Variants in WDFY3 observed in about 807,000 individuals in gnomAD.
WDFY3 encodes WD repeat and FYVE domain-containing protein 3.
In WDFY3, 66 loss-of-function variants were observed where a neutral mutation model predicts 409.6. That is an observed-to-expected ratio of 0.16 (90% CI 0.13 to 0.20). The LOEUF is 0.20. WDFY3 is among the 10% of genes least tolerant of loss of function. The pLI, the probability that WDFY3 is intolerant of heterozygous loss-of-function variation, is 1.00. For missense variants in WDFY3, 3,031 were observed against 4,298.1 expected (o/e 0.71, Z 8.24); for synonymous variants, 1,521 against 1,537.1 (o/e 0.99, Z 0.25).
chr4:84,678,591 C>T (rs369411682), intron 65 of WDFY3, among the ~76,000 whole-genome samples: 2 of 152,208 alleles, frequency 1.3e-5, no homozygotes, highest in East Asian at 3.8e-4. Flanking sequence ...GGCAAAGTTA[C>T]CTGCAAATGC....
intron 4 of WDFY3, among the ~76,000 whole-genome samples, chr4:84,850,563 T>C (rs1007066172): frequency 2.6e-5 from 4 of 152,154 alleles, no homozygotes; most frequent in Non-Finnish European, 5.9e-5. Context: ...GTGATCCGCC[T>C]GCCTCAGCCT....
At chr4:84,907,439 A>G (rs996147086) in intron 2 of WDFY3, among the ~76,000 whole-genome samples, 1 of 152,168 alleles carries the variant, frequency 6.6e-6, no homozygotes, top group Non-Finnish European at 1.5e-5. Context: ...AGTAGAAACC[A>G]AAGGTTTCTG....
intron 40 of WDFY3, among the ~76,000 whole-genome samples, chr4:84,738,635 A>C (rs1578310708): frequency 6.6e-6 from 1 of 152,116 alleles, no homozygotes; most frequent in Admixed American, 6.5e-5. Flanking sequence ...AGTATAAAGA[A>C]GAATAAAAAA....
intron 1 of WDFY3, among the ~76,000 whole-genome samples, chr4:84,946,884 G>C (rs1772912304): frequency 6.6e-6 from 1 of 151,424 alleles, no homozygotes; most frequent in South Asian, 2.1e-4. Flanking sequence ...TCCGCTCACT[G>C]CAAGCTCTGC....
At chr4:84,718,274 T>A (rs188121454) in intron 48 of WDFY3, 148 bp downstream of exon 48, 3 of 701,740 alleles carry the variant, frequency 4.3e-6, no homozygotes, top group Non-Finnish European at 6.5e-6. Context: ...CTGAATATCA[T>A]CTTTGTGAAT....
intron 36 of WDFY3, among the ~76,000 whole-genome samples, chr4:84,746,192 C>T (rs182310187): frequency 3.3e-5 from 5 of 150,804 alleles, no homozygotes; most frequent in Admixed American, 1.3e-4. Flanking sequence ...TGGTGTGTGC[C>T]GGTAGTCATA....
rs144017592 is a variant in WDFY3, at chr4:84,795,093, C to T, written c.3168-114G>A. The T allele has an allele frequency of 1.8e-3, 1,243 of 690,264 alleles. 15 individuals carry two copies. The African/African-American group carries it at 0.021, about 12-fold the overall frequency. The allele number at this position is 690,264 out of a possible 1,614,324, so 42.8% of individuals were successfully genotyped here. ...ATTTAATGGTGACTAGAGAAAAGAT[C>T]ATGGAATAAATCTGGATGCCTCGCA... On this transcript the variant is annotated intron_variant, in intron 19 of 67. Coordinates refer to ENST00000295888, the MANE Select transcript of WDFY3 (RefSeq NM_014991.6).
chr4:84,699,958 T>A (rs1730814303), intron 56 of WDFY3, among the ~76,000 whole-genome samples: 1 of 151,802 alleles, frequency 6.6e-6, no homozygotes, highest in Admixed American at 6.6e-5. Flanking sequence ...GGATACTAGA[T>A]CCTTATTAGA....
intron 44 of WDFY3, among the ~76,000 whole-genome samples, chr4:84,730,408 C>T (rs565777281): frequency 6.6e-6 from 1 of 152,232 alleles, no homozygotes; most frequent in Admixed American, 6.5e-5. Flanking sequence ...GAGATAAAAC[C>T]TAATATGGAA....
At position 84,819,093 on chromosome 4, in the gene WDFY3, T is replaced by C. The variant is rs564373764; in HGVS notation, c.1693+992A>G. Among the ~76,000 whole-genome samples, 184 of 152,266 alleles carry C rather than the reference T, an allele frequency of 1.2e-3. 3 individuals are homozygous for C. Among genetic ancestry groups the C allele is most frequent in the African/African-American group, 4.2e-3 (173 of 41,580 alleles). ...CATCATACTCATTGTTTCAATTACC[T>C]GTTAAATTCATTCAAGTCTATCTTA... On this transcript the variant is annotated intron_variant, in intron 12 of 67. Transcript: ENST00000295888.
chr4:84,762,055 T>C (rs367947810), intron 32 of WDFY3, among the ~76,000 whole-genome samples: 12 of 152,246 alleles, frequency 7.9e-5, no homozygotes, highest in Admixed American at 5.2e-4. Context: ...GTCAGTGTGG[T>C]GATTCCTCAG....
At chr4:84,864,613 A>G (rs1156320518) in intron 3 of WDFY3, among the ~76,000 whole-genome samples, 6 of 152,108 alleles carry the variant, frequency 3.9e-5, no homozygotes, top group Admixed American at 3.3e-4. Context: ...CAGTCTTTCT[A>G]TTGCTACTGC....
chr4:84,923,541 T>A (rs1190846737), intron 2 of WDFY3, among the ~76,000 whole-genome samples: 1 of 152,204 alleles, frequency 6.6e-6, no homozygotes, highest in African/African-American at 2.4e-5. Context: ...TTTCTCCTGT[T>A]AATGGCAATT....
intron 3 of WDFY3, among the ~76,000 whole-genome samples, chr4:84,870,886 TA>T (rs34424987): frequency 1.2e-3 from 180 of 144,218 alleles, no homozygotes; most frequent in Admixed American, 1.1e-3. Flanking sequence ...AACAGGGCTC[TA>T]AAAAAAAAAA....
At chr4:84,801,209 A>G (rs1174344290) in intron 17 of WDFY3, among the ~76,000 whole-genome samples, 2 of 152,230 alleles carry the variant, frequency 1.3e-5, no homozygotes, top group Non-Finnish European at 2.9e-5. Context: ...TGGTTTGGAT[A>G]CTGTAGTATA....
chr4:84,821,046 C>T, intron 11 of WDFY3, 38 bp downstream of exon 11: 1 of 1,518,388 alleles, frequency 6.6e-7, no homozygotes. Flanking sequence ...TTTTGAACCC[C>T]TTTTCAAATA....
In WDFY3 at chr4:84,679,768, GC is replaced by G. The variant is rs562423906; in HGVS notation, c.9824-527del. Reference sequence around the variant, plus strand: ...TTCTGGACTCCTTTAACAGTTCTGTGCCTCCTGAGTTCTTGAAATTATCATT... The same window carrying G: ...TTCTGGACTCCTTTAACAGTTCTGTGCTCCTGAGTTCTTGAAATTATCATT... On this transcript the variant is annotated intron_variant, in intron 64 of 67. Transcript: ENST00000295888. Among the ~76,000 whole-genome samples, 418 of 151,498 alleles carry G rather than the reference GC, an allele frequency of 2.8e-3. 4 individuals carry two copies. Among genetic ancestry groups the G allele is most frequent in the African/African-American group, 9.5e-3 (392 of 41,166 alleles).
chr4:84,790,348 CA>C (rs1384071652), intron 21 of WDFY3, among the ~76,000 whole-genome samples: 1 of 151,100 alleles, frequency 6.6e-6, no homozygotes, highest in East Asian at 1.9e-4. Context: ...GACTCCATCT[CA>C]AAAAAAATAA....
At chr4:84,893,730 T>C (rs1765231069) in intron 3 of WDFY3, among the ~76,000 whole-genome samples, 1 of 152,198 alleles carries the variant, frequency 6.6e-6, no homozygotes, top group Non-Finnish European at 1.5e-5. Flanking sequence ...CTCACGCCTG[T>C]AATTCCAAAA....
Sources: gnomAD v4.1 joint callset for allele counts (sites outside exome capture counted in the v4.1 genomes callset) on GRCh38, gnomAD v4.1.1 for gene constraint, MANE v1.5 for transcripts, NCBI Gene and HGNC (gene_info 2026-07-23, HGNC 2026-07-21) for gene names.